The following ARHGAP26 variants were observed in gnomAD, a reference collection of about 807,000 sequenced individuals.
ARHGAP26 encodes the protein Rho GTPase activating protein 26.
ARHGAP26 carries 38 observed loss-of-function variants against 104.8 expected under a neutral mutation model. The observed-to-expected ratio is 0.36, with a 90% CI of 0.28 to 0.48. The LOEUF (loss-of-function observed/expected upper bound fraction) is 0.48, where lower values mean the gene tolerates loss of function less well. Among genes scored for constraint, ARHGAP26 ranks in the 20% least tolerant of loss-of-function variants. The pLI, the probability that ARHGAP26 is intolerant of heterozygous loss-of-function variation, is 0.99. For synonymous variants in ARHGAP26, 341 were observed against 340.0 expected (o/e 1.00, Z -0.03); for missense variants, 704 against 947.9 (o/e 0.74, Z 3.38).
At chr5:142,798,084 C>A (rs1248916336) in intron 1 of ARHGAP26, among the ~76,000 whole-genome samples, 3 of 152,178 alleles carry the variant, frequency 2.0e-5, no homozygotes, top group Admixed American at 2.0e-4. Context: ...GATTAGCTTG[C>A]GGCTACCACT....
At chr5:143,151,146 T>C (rs1237046876) in intron 20 of ARHGAP26, among the ~76,000 whole-genome samples, 1 of 152,040 alleles carries the variant, frequency 6.6e-6, no homozygotes, top group Non-Finnish European at 1.5e-5. Context: ...GACATACAGG[T>C]GTCAAGTAAG....
At chr5:142,868,127 T>C (rs772495496) in intron 1 of ARHGAP26, 24 of 152,252 alleles carry the variant, frequency 1.6e-4, no homozygotes, top group African/African-American at 5.1e-4. Flanking sequence ...AAAAGATCTA[T>C]AGTATAGTAC....
intron 11 of ARHGAP26, among the ~76,000 whole-genome samples, chr5:142,988,658 T>G (rs989334321): frequency 2.6e-5 from 4 of 152,232 alleles, no homozygotes; most frequent in African/African-American, 9.6e-5. Flanking sequence ...ACACACAGCT[T>G]TAAATGTGTC....
intron 11 of ARHGAP26, among the ~76,000 whole-genome samples, chr5:142,946,394 T>C (rs1297096204): frequency 6.6e-6 from 1 of 152,198 alleles, no homozygotes; most frequent in African/African-American, 2.4e-5. Context: ...CTCTTTCAGA[T>C]ATTGGGCAGT....
At chr5:142,895,800 C>G (rs1759398723) in intron 6 of ARHGAP26, among the ~76,000 whole-genome samples, 1 of 152,106 alleles carries the variant, frequency 6.6e-6, no homozygotes, top group African/African-American at 2.4e-5. Context: ...GCCTGGGCAA[C>G]TGGGCAACAT....
chr5:143,170,329 CT>C (rs1400244680), intron 20 of ARHGAP26: 1 of 152,178 alleles, frequency 6.6e-6, no homozygotes, highest in Non-Finnish European at 1.5e-5. Context: ...TTTTGGTGGC[CT>C]GCCAGAAACA....
At chr5:142,905,806 T>C (rs538842863) in intron 8 of ARHGAP26, among the ~76,000 whole-genome samples, 19 of 152,344 alleles carry the variant, frequency 1.2e-4, no homozygotes, top group Non-Finnish European at 8.8e-5. Context: ...AAAATCGCAA[T>C]TGAACTCTTG....
At chr5:143,071,765 G>A (rs532456828) in intron 17 of ARHGAP26, among the ~76,000 whole-genome samples, 23 of 152,076 alleles carry the variant, frequency 1.5e-4, no homozygotes, top group Non-Finnish European at 2.9e-4. Context: ...TTAGCCAGGC[G>A]TGGTGGCATG....
chr5:143,083,158 A>G (rs187539415), intron 17 of ARHGAP26, among the ~76,000 whole-genome samples: 1 of 152,298 alleles, frequency 6.6e-6, no homozygotes, highest in African/African-American at 2.4e-5. Flanking sequence ...CATTAGTCAC[A>G]GGTGTCATTG....
At chr5:142,942,967 G>C (rs1001966136) in intron 11 of ARHGAP26, among the ~76,000 whole-genome samples, 6 of 152,218 alleles carry the variant, frequency 3.9e-5, no homozygotes, top group Non-Finnish European at 8.8e-5. Flanking sequence ...TTTTAGGAGA[G>C]ACGAGGTTTC....
At chr5:143,147,445 G>C in intron 20 of ARHGAP26, 64 bp downstream of exon 20, 1 of 1,555,402 alleles carries the variant, frequency 6.4e-7, no homozygotes, top group Non-Finnish European at 8.7e-7. Flanking sequence ...CCTAGAATTT[G>C]CTGTCTGGCT....
At chr5:143,161,731 TA>T (rs1801263480) in intron 20 of ARHGAP26, among the ~76,000 whole-genome samples, 1 of 152,228 alleles carries the variant, frequency 6.6e-6, no homozygotes, top group South Asian at 2.1e-4. Flanking sequence ...AGTAATTTTA[TA>T]ATCCTTTTCA....
chr5:142,832,609 C>T (rs1350413049), intron 1 of ARHGAP26, among the ~76,000 whole-genome samples: 3 of 152,238 alleles, frequency 2.0e-5, no homozygotes, highest in Admixed American at 6.5e-5. Flanking sequence ...TGGCACAGGA[C>T]ATCTAGGGAA....
chr5:143,076,388 G>T (rs770300155), intron 17 of ARHGAP26, among the ~76,000 whole-genome samples: 4 of 152,028 alleles, frequency 2.6e-5, no homozygotes, highest in Non-Finnish European at 5.9e-5. Flanking sequence ...TCCAAAATGT[G>T]CACAGTCTCC....
At chr5:143,161,020 T>G (rs1801167530) in intron 20 of ARHGAP26, among the ~76,000 whole-genome samples, 1 of 149,486 alleles carries the variant, frequency 6.7e-6, no homozygotes, top group Non-Finnish European at 1.5e-5. Context: ...TTTTTTTTTT[T>G]TTTTTTTGAG....
intron 11 of ARHGAP26, among the ~76,000 whole-genome samples, chr5:142,940,827 A>G (rs913620967): frequency 2.0e-5 from 3 of 152,124 alleles, no homozygotes; most frequent in African/African-American, 7.2e-5. Flanking sequence ...CTGTAATCCC[A>G]GCACTTTGGG....
chr5:142,905,234 C>T (rs968334799), intron 8 of ARHGAP26, among the ~76,000 whole-genome samples: 1 of 152,168 alleles, frequency 6.6e-6, no homozygotes, highest in Non-Finnish European at 1.5e-5. Flanking sequence ...ATATCATTCA[C>T]TTACATATAT....
At position 143,225,174 on chromosome 5, in the gene ARHGAP26, A is replaced by C; in HGVS notation, c.*2728A>C. 1 of 207,270 alleles carries C rather than the reference A, an allele frequency of 4.8e-6. No individual in the cohort carries two copies. The allele number at this position is 207,270 out of a possible 1,614,324, so 12.8% of individuals were successfully genotyped here. A position where few individuals can be genotyped will look rare whatever the true frequency, so the allele number is the denominator to read the frequency against. ...CATCATGCTTTTAACACATTTGATG[A>C]GGTTTTTTATTTGTGTTTTTGTTTG... On this transcript the variant is annotated 3_prime_UTR_variant, in exon 23 of 23. Transcript: ENST00000645722.
chr5:142,828,367 A>G (rs1767720484), intron 1 of ARHGAP26, among the ~76,000 whole-genome samples: 1 of 152,184 alleles, frequency 6.6e-6, no homozygotes, highest in Non-Finnish European at 1.5e-5. Flanking sequence ...TTTACAGCAT[A>G]TGCACCACAA....
Sources: gnomAD v4.1 joint callset for allele counts (sites outside exome capture counted in the v4.1 genomes callset) on GRCh38, gnomAD v4.1.1 for gene constraint, MANE v1.5 for transcripts, NCBI Gene and HGNC (gene_info 2026-07-23, HGNC 2026-07-21) for gene names.